Variants in TBCE observed in about 807,000 individuals in gnomAD.
TBCE encodes tubulin folding cofactor E, also known as tubulin-specific chaperone E.
A neutral mutation model predicts 77.0 loss-of-function variants in TBCE; 53 were observed. The observed-to-expected ratio is 0.69, with a 90% CI of 0.55 to 0.87. TBCE has a LOEUF of 0.87. Ranked by LOEUF, TBCE falls within the 40% of genes least tolerant of loss-of-function variation. The probability of loss-of-function intolerance (pLI) is 0.00; values close to 1 mark genes in which losing one functional copy is unlikely to be tolerated. For missense variants in TBCE, 624 were observed against 622.4 expected, an observed-to-expected ratio of 1.00 and a Z score of -0.03; for synonymous variants, 235 against 241.3, an observed-to-expected ratio of 0.97 and a Z score of 0.24.
At chr1:235,444,441 C>T (rs1229568584) in intron 15 of TBCE, among the ~76,000 whole-genome samples, 1 of 152,096 alleles carries the variant, frequency 6.6e-6, no homozygotes, top group African/African-American at 2.4e-5. Context: ...CTGTCACTCA[C>T]GCTGGAGTGC....
rs749193848 is a variant in TBCE at position 235,436,545 on chromosome 1, G to T, written c.900G>T (p.Gly300=). 1.2e-6 allele frequency: 2 copies of T among 1,613,666 alleles called. No individual in the cohort carries two copies. Among genetic ancestry groups the T allele is most frequent in the Admixed American group, 1.7e-5 (1 of 59,992 alleles). Residue 300 remains glycine (G), a splice_region_variant and synonymous_variant, in exon 11 of 17, where the codon GGG becomes GGT. Transcript: ENST00000642610. ...SSLHFPDAGI[G]CKTSMFPSLK... is the part of the protein sequence containing the mutation. ...GTAACTTCATTCCTCTTTTTATAGGGTGCAAAACGTCCATGTTCCCATCCT... is the reference window on the plus strand; with the variant it reads ...GTAACTTCATTCCTCTTTTTATAGGTTGCAAAACGTCCATGTTCCCATCCT...
At chr1:235,419,381 C>G in intron 4 of TBCE, 92 bp from the exon 5 acceptor site, 1 of 1,580,146 alleles carries the variant, frequency 6.3e-7, no homozygotes, top group South Asian at 1.1e-5. Context: ...TTTTGGTACC[C>G]TTTTATATGT....
chr1:235,442,004 G>GA (rs200524576), intron 14 of TBCE, 122 bp downstream of exon 14: 279 of 805,304 alleles, frequency 3.5e-4, no homozygotes, highest in East Asian at 6.7e-4. Context: ...AGTTTTAAAT[G>GA]AAAATTTTTT....
Position 235,448,007 on chromosome 1 carries a change from A to G in TBCE, c.1400-342A>G, listed in dbSNP as rs556462897. ...GGGCGGATCACGAGGTCAGGAGTTC[A>G]AGACCAGCCTGGCCAACATGGTGAA... On this transcript the variant is annotated intron_variant, in intron 15 of 16. Coordinates refer to ENST00000642610, the MANE Select transcript of TBCE (RefSeq NM_003193.5). 2.2e-4 allele frequency among the ~76,000 whole-genome samples: 33 copies of G among 152,100 alleles called. 2 individuals are homozygous for G. Among genetic ancestry groups the G allele is most frequent in the South Asian group, 1.2e-3 (6 of 4,814 alleles).
rs1056438129 is a variant in TBCE, at chr1:235,422,144, G to T, written c.460+2583G>T. ...TTGAAGTGGATGCAGAAAAGAGTTTGCTGAGGAGCCAGTGCCACAGCAGTG... is the reference window on the plus strand; with the variant it reads ...TTGAAGTGGATGCAGAAAAGAGTTTTCTGAGGAGCCAGTGCCACAGCAGTG... On this transcript the variant is annotated intron_variant, in intron 5 of 16. Transcript: ENST00000642610. Among the ~76,000 whole-genome samples the T allele has an allele frequency of 3.9e-5, 6 of 152,324 alleles. No individual in the cohort carries two copies. In the East Asian group the frequency reaches 1.2e-3, roughly 29 times the overall value.
chr1:235,370,546 C>T (rs148102546), intron 1 of TBCE, among the ~76,000 whole-genome samples: 10,892 of 147,144 alleles, frequency 0.074, 859 homozygotes, highest in African/African-American at 0.21. Context: ...CCACTGCACC[C>T]GGCATTTTTT....
At chr1:235,392,280 A>T (rs1438442548) in intron 2 of TBCE, among the ~76,000 whole-genome samples, 1 of 152,136 alleles carries the variant, frequency 6.6e-6, no homozygotes, top group East Asian at 1.9e-4. Flanking sequence ...GCTTGAGCCC[A>T]GGAAGTTGAG....
chr1:235,425,577 C>A (rs1680664054), intron 5 of TBCE, among the ~76,000 whole-genome samples: 1 of 152,104 alleles, frequency 6.6e-6, no homozygotes, highest in African/African-American at 2.4e-5. Flanking sequence ...TGTTTCAAAG[C>A]CTCCAATATC....
chr1:235,375,305 G>A (rs1677229203), intron 1 of TBCE, among the ~76,000 whole-genome samples: 1 of 152,124 alleles, frequency 6.6e-6, no homozygotes, highest in African/African-American at 2.4e-5. Flanking sequence ...GTTAGCAAGT[G>A]TGTGTATTTT....
intron 4 of TBCE, chr1:235,419,079 C>T (rs980328637): frequency 2.0e-4 from 58 of 295,432 alleles, no homozygotes; most frequent in African/African-American, 1.1e-3. Flanking sequence ...TGGTAGCAAG[C>T]GCCTGTAATC....
intron 2 of TBCE, among the ~76,000 whole-genome samples, chr1:235,381,970 C>A (rs1269327898): frequency 1.0e-5 from 1 of 100,370 alleles, no homozygotes; most frequent in African/African-American, 3.9e-5. Context: ...CCCCCTCCCC[C>A]CACCCCACAA....
At chr1:235,371,401 G>A (rs1266055946) in intron 1 of TBCE, among the ~76,000 whole-genome samples, 2 of 144,310 alleles carry the variant, frequency 1.4e-5, no homozygotes, top group African/African-American at 5.1e-5. Flanking sequence ...TTTGAGACAG[G>A]GTCTCCCTCT....
chr1:235,394,121 C>T (rs552680256), intron 2 of TBCE, among the ~76,000 whole-genome samples: 7 of 152,252 alleles, frequency 4.6e-5, no homozygotes, highest in Admixed American at 3.3e-4. Context: ...GTCGCTCAGG[C>T]TGGAGTGCAG....
chr1:235,374,706 G>A (rs1677183522), intron 1 of TBCE, among the ~76,000 whole-genome samples: 1 of 143,180 alleles, frequency 7.0e-6, no homozygotes, highest in African/African-American at 2.7e-5. Flanking sequence ...TCACCATGTT[G>A]GCCAGGCTGG....
intron 9 of TBCE, 114 bp from the exon 10 acceptor site, chr1:235,436,272 A>T: frequency 1.1e-6 from 1 of 891,314 alleles, no homozygotes; most frequent in Non-Finnish European, 1.8e-6. Context: ...TAAGTATTTT[A>T]CATGGGATTA....
chr1:235,392,400 ATTTTTTTT>A (rs557817776), intron 2 of TBCE, among the ~76,000 whole-genome samples: 1 of 54,032 alleles, frequency 1.9e-5, no homozygotes, highest in Non-Finnish European at 3.1e-5. Context: ...GCTGAACAGA[ATTTTTTTT>A]TTTTTTTTTT....
At chr1:235,380,194 T>A in intron 2 of TBCE, 45 bp downstream of exon 2, 1 of 1,375,404 alleles carries the variant, frequency 7.3e-7, no homozygotes, top group Non-Finnish European at 1.0e-6. Context: ...TGTGTGTGTG[T>A]GTGTGTGTGT....
intron 3 of TBCE, among the ~76,000 whole-genome samples, chr1:235,409,601 G>C (rs1192918458): frequency 6.6e-6 from 1 of 151,662 alleles, no homozygotes; most frequent in Non-Finnish European, 1.5e-5. Flanking sequence ...CATCCGTTTT[G>C]CAACTACCTA....
At chr1:235,423,485 C>A (rs928229480) in intron 5 of TBCE, 1 of 152,398 alleles carries the variant, frequency 6.6e-6, no homozygotes, top group Non-Finnish European at 1.5e-5. Context: ...GCCGATTTAG[C>A]GGGGTTAATG....
Sources: gnomAD v4.1 joint callset for allele counts (sites outside exome capture counted in the v4.1 genomes callset) on GRCh38, gnomAD v4.1.1 for gene constraint, MANE v1.5 for transcripts, NCBI Gene and HGNC (gene_info 2026-07-23, HGNC 2026-07-21) for gene names.